The following ATR variants were observed in gnomAD, a reference collection of about 807,000 sequenced individuals.
The protein encoded by ATR is ATR checkpoint kinase.
Under a neutral mutation model 305.3 loss-of-function variants are expected in ATR, and 142 were observed. The ratio of observed to expected loss-of-function variants is 0.47; its 90% CI spans 0.41 to 0.53. The LOEUF is 0.53. Ranked by LOEUF, ATR falls within the 20% of genes least tolerant of loss-of-function variation. The pLI is 0.00. For synonymous variants in ATR, 1,050 were observed against 1,068.1 expected, an observed-to-expected ratio of 0.98 and a Z score of 0.33; for missense variants, 2,135 against 3,133.1, an observed-to-expected ratio of 0.68 and a Z score of 7.60.
chr3:142,454,718 G>T lies in ATR; in HGVS notation c.7656-1485C>A, dbSNP rs868530485. 3.3e-5 allele frequency among the ~76,000 whole-genome samples: 5 copies of T among 152,256 alleles called. No homozygotes were observed. In the Middle Eastern group the frequency reaches 0.017, roughly 518 times the overall value. ...GGCCTCCCAAAGTGCTGGGATTACA[G>T]GCGTGAGCCACCGCGCCCGGCCCGA... On this transcript the variant is annotated intron_variant, in intron 45 of 46. Transcript: ENST00000350721.
At chr3:142,467,713 G>T (rs565071738) in intron 39 of ATR, among the ~76,000 whole-genome samples, 1 of 152,080 alleles carries the variant, frequency 6.6e-6, no homozygotes, top group Non-Finnish European at 1.5e-5. Flanking sequence ...ACACTAAGAA[G>T]AACTTTTAGA....
At chr3:142,483,726 A>T (rs150807366) in intron 36 of ATR, among the ~76,000 whole-genome samples, 72 of 152,192 alleles carry the variant, frequency 4.7e-4, no homozygotes, top group Non-Finnish European at 8.2e-4. Context: ...AATACCAGCT[A>T]CTCAGAAGGG....
intron 27 of ATR, among the ~76,000 whole-genome samples, chr3:142,509,549 T>A (rs1452334968): frequency 7.8e-6 from 1 of 127,500 alleles, no homozygotes; most frequent in Non-Finnish European, 1.7e-5. Flanking sequence ...ATTCTGATTT[T>A]TTTTTTTTTT....
At chr3:142,540,832 A>G in intron 18 of ATR, 72 bp downstream of exon 18, 1 of 1,501,948 alleles carries the variant, frequency 6.7e-7, no homozygotes, top group East Asian at 2.5e-5. Context: ...CCTCAAAGAG[A>G]TAAGAATTCA....
intron 38 of ATR, 117 bp from the exon 39 acceptor site, chr3:142,468,185 C>G (rs1272649579): frequency 8.0e-7 from 1 of 1,255,122 alleles, no homozygotes; most frequent in Non-Finnish European, 1.1e-6. Flanking sequence ...TTATATGATA[C>G]AAATTTTCTG....
chr3:142,553,433 A>AACACACACAC, intron 12 of ATR, 35 bp from the exon 13 acceptor site: 16 of 1,404,224 alleles, frequency 1.1e-5, no homozygotes, highest in East Asian at 7.1e-5. Context: ...TGAATACACA[A>AACACACACAC]ACACACACAC....
intron 2 of ATR, among the ~76,000 whole-genome samples, 169 bp from the exon 3 acceptor site, chr3:142,566,430 A>C (rs1187721997): frequency 6.6e-6 from 1 of 152,050 alleles, no homozygotes; most frequent in Non-Finnish European, 1.5e-5. Context: ...ACCAGCCTGG[A>C]TAAGATGTCA....
At chr3:142,540,416 G>GA (rs1291828120) in intron 18 of ATR, among the ~76,000 whole-genome samples, 6 of 152,096 alleles carry the variant, frequency 3.9e-5, no homozygotes, top group Non-Finnish European at 8.8e-5. Flanking sequence ...ATGTCTTTGG[G>GA]AAAAATACCT....
intron 36 of ATR, among the ~76,000 whole-genome samples, chr3:142,476,893 T>G (rs1286755559): frequency 1.3e-5 from 2 of 152,138 alleles, no homozygotes; most frequent in African/African-American, 2.4e-5. Flanking sequence ...TGGGTCTCTG[T>G]TTGTCTGTTA....
intron 21 of ATR, among the ~76,000 whole-genome samples, chr3:142,525,390 T>C (rs1372713898): frequency 2.0e-5 from 3 of 152,258 alleles, no homozygotes. Flanking sequence ...ACATGTTTTA[T>C]TTTTCCATAT....
chr3:142,463,109 T>A (rs150918630), intron 41 of ATR, among the ~76,000 whole-genome samples: 8 of 152,116 alleles, frequency 5.3e-5, no homozygotes, highest in African/African-American at 9.7e-5. Flanking sequence ...TAAAGATCAG[T>A]GTGTGGCCTC....
At chr3:142,523,660 C>T (rs1168101412) in intron 22 of ATR, among the ~76,000 whole-genome samples, 4 of 152,072 alleles carry the variant, frequency 2.6e-5, no homozygotes, top group Non-Finnish European at 5.9e-5. Context: ...AACATTACTA[C>T]TGTAATATCC....
chr3:142,569,233 G>A (rs1560005208), intron 1 of ATR, among the ~76,000 whole-genome samples: 2 of 152,148 alleles, frequency 1.3e-5, no homozygotes, highest in Admixed American at 1.3e-4. Flanking sequence ...CTGTACCATT[G>A]TACACTCCCA....
chr3:142,558,741 A>C lies in ATR; in HGVS notation c.1768T>G (p.Leu590Val). The change falls in exon 8 of 47, where the codon TTA becomes GTA. Residue 590 changes from leucine (L) to valine (V), a missense_variant. Leu to Val is a conservative substitution (Grantham distance 32). Around this residue, in one of 9 missense-constraint regions of ATR, gnomAD observed 744 missense variants for 873.2 expected, o/e 0.85. Transcript: ENST00000350721. ...CATGGAAGTGAGAGCATACCACATAAATCTTCCAGGATATGATCTTCAAAT... is the reference window on the plus strand; with the variant it reads ...CATGGAAGTGAGAGCATACCACATACATCTTCCAGGATATGATCTTCAAAT... Reference protein sequence around the residue: ...SSFEDHILEDLCGMLSLPWIY... With the variant: ...SSFEDHILEDVCGMLSLPWIY... 1 of 1,611,200 alleles carries C rather than the reference A, an allele frequency of 6.2e-7. No homozygotes were observed. The highest frequency in any genetic ancestry group is 8.5e-7 in the Non-Finnish European group (1 of 1,177,998).
Position 142,562,945 on chromosome 3 carries a change from A to G in ATR, c.457T>C (p.Phe153Leu), listed in dbSNP as rs201181535. 1.7e-5 allele frequency: 27 copies of G among 1,613,184 alleles called. No individual in the cohort carries two copies. The highest frequency in any genetic ancestry group is 1.5e-4 in the South Asian group (14 of 90,676). Reference sequence around the variant, plus strand: ...CTATGGAGGTAAACCAAGTCTTCAAAAAGTTGTAATAATTCTTTTGTGAGT... The same window carrying G: ...CTATGGAGGTAAACCAAGTCTTCAAGAAGTTGTAATAATTCTTTTGTGAGT... ...GVLTKELLQL[F>L]EDLVYLHRRN... Residue 153 changes from phenylalanine to leucine, a missense_variant, in exon 4 of 47, where the codon TTT (phenylalanine) becomes CTT (leucine). Around this residue, in one of 9 missense-constraint regions of ATR, gnomAD observed 744 missense variants for 873.2 expected, o/e 0.85. Coordinates refer to ENST00000350721, the MANE Select transcript of ATR (RefSeq NM_001184.4).
intron 36 of ATR, chr3:142,472,452 A>C (rs143889809): frequency 8.3e-4 from 127 of 152,132 alleles, no homozygotes; most frequent in African/African-American, 2.7e-3. Flanking sequence ...CTTTTATATG[A>C]TAGCCATTCA....
intron 43 of ATR, 32 bp from the exon 44 acceptor site, chr3:142,459,143 A>G: frequency 6.2e-7 from 1 of 1,613,598 alleles, no homozygotes. Flanking sequence ...TGAAATATCC[A>G]TATACATATG....
intron 34 of ATR, 59 bp from the exon 35 acceptor site, chr3:142,493,370 C>T (rs879474858): frequency 2.0e-5 from 30 of 1,483,134 alleles, no homozygotes; most frequent in Non-Finnish European, 2.6e-5. Context: ...CTATTTTCTG[C>T]AAAAGTATTA....
At chr3:142,560,796 G>A (rs539734980) in intron 5 of ATR, among the ~76,000 whole-genome samples, 2 of 152,208 alleles carry the variant, frequency 1.3e-5, no homozygotes, top group Admixed American at 6.5e-5. Context: ...TTCTGACCTC[G>A]TGATCTGCCC....
Sources: gnomAD v4.1 joint callset for allele counts (sites outside exome capture counted in the v4.1 genomes callset) on GRCh38, gnomAD v4.1.1 for gene constraint, gnomAD v4.1.1 regional missense constraint, MANE v1.5 for transcripts, NCBI Gene and HGNC (gene_info 2026-07-23, HGNC 2026-07-21) for gene names.